Variants in ELFN2 observed in about 807,000 individuals in gnomAD.
The protein encoded by ELFN2 is protein phosphatase 1 regulatory subunit 29.
In ELFN2, 17 loss-of-function variants were observed where a neutral mutation model predicts 45.5. The observed-to-expected ratio is 0.37, with a 90% CI of 0.26 to 0.56. The LOEUF (loss-of-function observed/expected upper bound fraction) is 0.56. Among genes scored for constraint, ELFN2 ranks in the 20% least tolerant of loss-of-function variants. The pLI, the probability that ELFN2 is intolerant of heterozygous loss-of-function variation, is 0.77. For missense variants in ELFN2, 922 were observed against 1,183.2 expected (o/e 0.78, Z 3.24); for synonymous variants, 550 against 551.5 (o/e 1.00, Z 0.04).
At chr22:37,423,987 AC>A (rs2145694656) in intron 1 of ELFN2, among the ~76,000 whole-genome samples, 2 of 152,246 alleles carry the variant, frequency 1.3e-5, no homozygotes, top group East Asian at 3.9e-4. Flanking sequence ...GACTGGGTAA[AC>A]CTTCTAGACG....
At chr22:37,383,871 C>A (rs1805269516) in intron 2 of ELFN2, among the ~76,000 whole-genome samples, 1 of 152,192 alleles carries the variant, frequency 6.6e-6, no homozygotes, top group Admixed American at 6.5e-5. Context: ...CCAGGTGTAA[C>A]CTCAGCCAAA....
At chr22:37,350,447 G>A (rs1930796472) in intron 1 of ELFN2, among the ~76,000 whole-genome samples, 1 of 150,500 alleles carries the variant, frequency 6.6e-6, no homozygotes, top group Non-Finnish European at 1.5e-5. Flanking sequence ...GCCACCCAGG[G>A]GGTGAGGGGA....
At position 37,375,612 on chromosome 22, in the gene ELFN2, C is replaced by T. The variant is rs1601747150; in HGVS notation, c.-78G>A. Reference sequence around the variant, plus strand: ...CAGAGGCTGGGGCTGGCAGTACAGTCCTCCCTGGGGCCGCCACCATCTTGG... The same window carrying T: ...CAGAGGCTGGGGCTGGCAGTACAGTTCTCCCTGGGGCCGCCACCATCTTGG... On this transcript the variant is annotated 5_prime_UTR_variant, in exon 3 of 3. Transcript: ENST00000402918. 15 of 1,449,686 alleles carry T rather than the reference C, an allele frequency of 1.0e-5. No homozygotes were observed. The East Asian group carries it at 2.3e-4, about 22-fold the overall frequency. The allele number at this position is 1,449,686 out of a possible 1,614,324, so 89.8% of individuals were successfully genotyped here. A position where few individuals can be genotyped will look rare whatever the true frequency, so the allele number is the denominator to read the frequency against.
chr22:37,418,985 TCCCTGTCCCGCCCCACA>T lies in ELFN2; in HGVS notation c.-613-1083_-613-1067del, dbSNP rs1006161044. On this transcript the variant is annotated intron_variant, in intron 1 of 2. Coordinates refer to ENST00000402918, the MANE Select transcript of ELFN2 (RefSeq NM_052906.5). ...TCAGCTCCTCCCGAGGAGGCCCCTC[TCCCTGTCCCGCCCCACA>T]CCCCACCAGCCCAGATGGTACTCTT... 123 of 151,900 alleles carry T rather than the reference TCCCTGTCCCGCCCCACA, an allele frequency of 8.1e-4. 1 individual carries two copies. The highest frequency in any genetic ancestry group is 3.0e-3 in the African/African-American group (123 of 41,278). The allele number at this position is 151,900 out of a possible 1,614,324, so 9.4% of individuals were successfully genotyped here.
intron 2 of ELFN2, among the ~76,000 whole-genome samples, chr22:37,413,507 C>T (rs773390022): frequency 1.3e-5 from 2 of 150,856 alleles, no homozygotes; most frequent in Non-Finnish European, 2.9e-5. Flanking sequence ...GGCTGCAAGG[C>T]TGCAGTGAGC....
At chr22:37,365,569 A>G (rs1251813987), downstream of ELFN2, among the ~76,000 whole-genome samples, 1 of 152,096 alleles carries the variant, frequency 6.6e-6, no homozygotes, top group Non-Finnish European at 1.5e-5. Flanking sequence ...AAGGAAGGAA[A>G]AGGAGGAAGA....
chr22:37,412,550 T>A (rs1391404315), intron 2 of ELFN2, among the ~76,000 whole-genome samples: 1 of 151,826 alleles, frequency 6.6e-6, no homozygotes, highest in African/African-American at 2.4e-5. Context: ...GCCCCTCCTC[T>A]CCCTTCTTCC....
chr22:37,380,200 TG>T (rs1931712899), intron 2 of ELFN2, among the ~76,000 whole-genome samples: 1 of 152,120 alleles, frequency 6.6e-6, no homozygotes, highest in African/African-American at 2.4e-5. Flanking sequence ...TGAGGGGGGT[TG>T]GGCTAACTCC....
At chr22:37,411,730 G>A (rs962609559) in intron 2 of ELFN2, among the ~76,000 whole-genome samples, 1 of 152,150 alleles carries the variant, frequency 6.6e-6, no homozygotes, top group African/African-American at 2.4e-5. Flanking sequence ...AGCTTCTCAC[G>A]CAGCCCCTGG....
chr22:37,421,274 G>A (rs959803233), intron 1 of ELFN2, among the ~76,000 whole-genome samples: 1 of 152,214 alleles, frequency 6.6e-6, no homozygotes, highest in African/African-American at 2.4e-5. Flanking sequence ...CCAGGGGTAG[G>A]CAGGACCTCT....
chr22:37,377,083 T>G (rs1426668885), intron 2 of ELFN2, among the ~76,000 whole-genome samples: 1 of 152,202 alleles, frequency 6.6e-6, no homozygotes, highest in Non-Finnish European at 1.5e-5. Context: ...TCTGGCCCAC[T>G]TGATGGGGGA....
chr22:37,351,089 C>G (rs1930810575), intron 1 of ELFN2, among the ~76,000 whole-genome samples: 1 of 150,326 alleles, frequency 6.7e-6, no homozygotes, highest in Non-Finnish European at 1.5e-5. Flanking sequence ...GCCAGCCAAC[C>G]CTCCTCCCTT....
chr22:37,377,200 G>T (rs969002120), intron 2 of ELFN2, among the ~76,000 whole-genome samples: 4 of 152,230 alleles, frequency 2.6e-5, no homozygotes, highest in Admixed American at 6.5e-5. Context: ...CACTTTCCAA[G>T]TGGGGAAACT....
intron 2 of ELFN2, among the ~76,000 whole-genome samples, chr22:37,402,017 T>C (rs1007130290): frequency 3.3e-5 from 5 of 152,178 alleles, no homozygotes; most frequent in Non-Finnish European, 7.3e-5. Flanking sequence ...GAGTGAGCCC[T>C]GCTCCCTCCT....
At chr22:37,361,144 C>G (rs4821646) in intron 1 of ELFN2, among the ~76,000 whole-genome samples, 55,191 of 152,032 alleles carry the variant, frequency 0.36, 10,604 homozygotes, top group Admixed American at 0.56. Flanking sequence ...AGGTGCCAGC[C>G]AGGGCTGGTG....
intron 1 of ELFN2, among the ~76,000 whole-genome samples, chr22:37,360,290 G>C (rs1399139724): frequency 6.6e-6 from 1 of 152,234 alleles, no homozygotes; most frequent in Non-Finnish European, 1.5e-5. Context: ...CCTGGAGTCA[G>C]GGAGAGTGGG....
chr22:37,358,019 T>A (rs1190988144), intron 1 of ELFN2, among the ~76,000 whole-genome samples: 2 of 152,086 alleles, frequency 1.3e-5, no homozygotes, highest in Non-Finnish European at 1.5e-5. Flanking sequence ...TGGCAGGGAT[T>A]CCCAACCCTT....
chr22:37,374,830 G>A lies in ELFN2; in HGVS notation c.705C>T (p.Leu235=), dbSNP rs2145636740. The A allele has an allele frequency of 6.2e-7, 1 of 1,607,330 alleles. No homozygotes were observed. Among genetic ancestry groups the A allele is most frequent in the South Asian group, 1.1e-5 (1 of 91,062 alleles). The part of the protein sequence containing the change: ...PLLVPRPYHS[L]NAITVLQAKC... ...TGGCCTGGAGTACGGTGATGGCGTT[G>A]AGGCTGTGGTAGGGCCGGGGCACCA... is the stretch of plus-strand genomic sequence containing the variant. The change falls in exon 3 of 3, where the codon CTC becomes CTT. Residue 235 remains leucine, a synonymous_variant. Transcript: ENST00000402918.
chr22:37,387,236 T>C (rs1302858612), intron 2 of ELFN2, among the ~76,000 whole-genome samples: 1 of 152,102 alleles, frequency 6.6e-6, no homozygotes, highest in East Asian at 1.9e-4. Context: ...ACCCCCACCT[T>C]CAGCCTGTTC....
Sources: gnomAD v4.1 joint callset for allele counts (sites outside exome capture counted in the v4.1 genomes callset) on GRCh38, gnomAD v4.1.1 for gene constraint, MANE v1.5 for transcripts, NCBI Gene and HGNC (gene_info 2026-07-23, HGNC 2026-07-21) for gene names.